Variants in RORB observed in about 807,000 individuals in gnomAD.
RORB encodes nuclear receptor ROR-beta.
RORB carries 6 observed loss-of-function variants against 59.1 expected under a neutral mutation model. The observed-to-expected ratio is 0.10, with a 90% CI of 0.06 to 0.20. The LOEUF is 0.20. RORB is among the 10% of genes least tolerant of loss of function. The pLI is 1.00. For synonymous variants in RORB, 215 were observed against 204.5 expected, an observed-to-expected ratio of 1.05 and a Z score of -0.44; for missense variants, 320 against 560.5, an observed-to-expected ratio of 0.57 and a Z score of 4.33.
At chr9:74,676,500 C>G (rs544668802) in intron 9 of RORB, among the ~76,000 whole-genome samples, 23 of 152,322 alleles carry the variant, frequency 1.5e-4, no homozygotes, top group Non-Finnish European at 3.2e-4. Flanking sequence ...TAACACTCAG[C>G]GAGTACCATG....
intron 1 of RORB, among the ~76,000 whole-genome samples, chr9:74,538,214 T>G (rs1487737937): frequency 3.3e-5 from 5 of 152,122 alleles, no homozygotes; most frequent in Non-Finnish European, 2.9e-5. Context: ...CATTTAGACT[T>G]GTGTAAGTAC....
intron 7 of RORB, 125 bp downstream of exon 7, chr9:74,665,720 C>A: frequency 1.6e-6 from 1 of 631,098 alleles, no homozygotes; most frequent in South Asian, 2.1e-5. Flanking sequence ...ATTCGATAAG[C>A]GATGGACCAG....
At chr9:74,596,575 C>T (rs1822974264) in intron 1 of RORB, among the ~76,000 whole-genome samples, 1 of 152,138 alleles carries the variant, frequency 6.6e-6, no homozygotes, top group Non-Finnish European at 1.5e-5. Context: ...TTAGAACACA[C>T]ACTGATTCAG....
chr9:74,558,263 G>A (rs558060593), intron 1 of RORB, among the ~76,000 whole-genome samples: 1 of 152,210 alleles, frequency 6.6e-6, no homozygotes, highest in Admixed American at 6.5e-5. Context: ...TGTGCCTACG[G>A]TTTGAAAGGA....
intron 9 of RORB, among the ~76,000 whole-genome samples, chr9:74,673,311 C>T (rs1824379076): frequency 6.6e-6 from 1 of 151,936 alleles, no homozygotes; most frequent in African/African-American, 2.4e-5. Context: ...TTTGGGATCT[C>T]CTGAAGACTT....
intron 9 of RORB, among the ~76,000 whole-genome samples, chr9:74,682,212 G>A (rs1824558179): frequency 6.9e-6 from 1 of 144,458 alleles, no homozygotes; most frequent in South Asian, 2.2e-4. Flanking sequence ...TGTTATAATC[G>A]TCATCTGACA....
At chr9:74,601,305 T>C (rs11144019) in intron 1 of RORB, among the ~76,000 whole-genome samples, 1,922 of 151,232 alleles carry the variant, frequency 0.013, 28 homozygotes, top group African/African-American at 0.04. Flanking sequence ...AAAAGTAATC[T>C]TTTAACAATT....
Position 74,689,554 on chromosome 9 carries a change from G to T in RORB, c.*3936G>T, listed in dbSNP as rs936384637. On this transcript the variant is annotated 3_prime_UTR_variant, in exon 10 of 10. Transcript: ENST00000376896. ...AGTAGGTAAAATCAGAGAATATAACGATCTCCTGAGTGATTAGATTTCTTT... is the reference window on the plus strand; with the variant it reads ...AGTAGGTAAAATCAGAGAATATAACTATCTCCTGAGTGATTAGATTTCTTT... 2 of 152,178 alleles carry T rather than the reference G, an allele frequency of 1.3e-5. No homozygotes were observed. The highest frequency in any genetic ancestry group is 2.9e-5 in the Non-Finnish European group (2 of 68,044). The allele number at this position is 152,178 out of a possible 1,614,324, so 9.4% of individuals were successfully genotyped here. A position where few individuals can be genotyped will look rare whatever the true frequency, so the allele number is the denominator to read the frequency against.
intron 1 of RORB, among the ~76,000 whole-genome samples, chr9:74,602,940 T>G (rs1823090989): frequency 6.6e-6 from 1 of 152,232 alleles, no homozygotes; most frequent in Non-Finnish European, 1.5e-5. Flanking sequence ...GTTAGCTGGA[T>G]AACTAGCTCA....
intron 6 of RORB, among the ~76,000 whole-genome samples, chr9:74,663,263 A>G (rs1824218478): frequency 6.6e-6 from 1 of 151,910 alleles, no homozygotes; most frequent in Non-Finnish European, 1.5e-5. Flanking sequence ...GTCCTAGGCC[A>G]TAATAATAAT....
intron 1 of RORB, among the ~76,000 whole-genome samples, chr9:74,501,653 T>C (rs1015375327): frequency 2.6e-5 from 4 of 152,190 alleles, no homozygotes; most frequent in Non-Finnish European, 4.4e-5. Flanking sequence ...GCCATAAGAA[T>C]AAAAATATTT....
intron 1 of RORB, among the ~76,000 whole-genome samples, chr9:74,598,249 C>A (rs955920595): frequency 3.3e-5 from 5 of 152,092 alleles, no homozygotes; most frequent in African/African-American, 1.2e-4. Flanking sequence ...CCACTTACAT[C>A]TCTGAAAGTC....
At chr9:74,664,874 C>T (rs1489741303) in intron 6 of RORB, among the ~76,000 whole-genome samples, 2 of 152,208 alleles carry the variant, frequency 1.3e-5, no homozygotes, top group African/African-American at 4.8e-5. Context: ...ACATGGGAAG[C>T]TATGCAGCAG....
At chr9:74,649,661 G>C (rs910393796) in intron 4 of RORB, among the ~76,000 whole-genome samples, 2 of 152,098 alleles carry the variant, frequency 1.3e-5, no homozygotes, top group African/African-American at 4.8e-5. Flanking sequence ...TGCAATAAAT[G>C]GTAGAATGTA....
intron 1 of RORB, among the ~76,000 whole-genome samples, chr9:74,619,942 C>T (rs185812393): frequency 1.6e-3 from 249 of 152,274 alleles, no homozygotes; most frequent in Non-Finnish European, 3.1e-3. Flanking sequence ...ATTCGGTTTG[C>T]CAGTATTTTA....
At chr9:74,545,092 C>G (rs1229015777) in intron 1 of RORB, among the ~76,000 whole-genome samples, 1 of 147,362 alleles carries the variant, frequency 6.8e-6, no homozygotes, top group Non-Finnish European at 1.5e-5. Context: ...ATGTTCACTG[C>G]GAGCAGGTTT....
chr9:74,570,060 T>C (rs968440092), intron 1 of RORB, among the ~76,000 whole-genome samples: 5 of 152,118 alleles, frequency 3.3e-5, no homozygotes, highest in Non-Finnish European at 5.9e-5. Context: ...GCCAATCTTA[T>C]AATACTAAAA....
chr9:74,634,506 C>A, intron 2 of RORB, 125 bp from the exon 3 acceptor site: 2 of 803,610 alleles, frequency 2.5e-6, no homozygotes, highest in Admixed American at 3.4e-5. Context: ...GAAGAGGTAT[C>A]CAAAGAGCTT....
chr9:74,517,187 C>T (rs1826022168), intron 1 of RORB, among the ~76,000 whole-genome samples: 1 of 151,916 alleles, frequency 6.6e-6, no homozygotes, highest in Admixed American at 6.6e-5. Flanking sequence ...ATGCATGTGT[C>T]ATCTTTTAAA....
Sources: gnomAD v4.1 joint callset for allele counts (sites outside exome capture counted in the v4.1 genomes callset) on GRCh38, gnomAD v4.1.1 for gene constraint, MANE v1.5 for transcripts, NCBI Gene and HGNC (gene_info 2026-07-23, HGNC 2026-07-21) for gene names.